The following INTS7 variants were observed in gnomAD, a reference collection of about 807,000 sequenced individuals.
The protein encoded by INTS7 is chromosome 1 open reading frame 73.
A neutral mutation model predicts 109.2 loss-of-function variants in INTS7; 46 were observed. That is an observed-to-expected ratio of 0.42 (90% confidence interval 0.33 to 0.54). The LOEUF is 0.54. INTS7 is among the 20% of genes least tolerant of loss of function. The pLI, the probability that INTS7 is intolerant of heterozygous loss-of-function variation, is 0.07. For synonymous variants in INTS7, 412 were observed against 402.9 expected (o/e 1.02, Z -0.27); for missense variants, 929 against 1,132.4 (o/e 0.82, Z 2.58).
intron 7 of INTS7, among the ~76,000 whole-genome samples, chr1:211,991,503 C>T (rs1665144208): frequency 6.6e-6 from 1 of 152,156 alleles, no homozygotes; most frequent in Non-Finnish European, 1.5e-5. Context: ...GAACAGTAGG[C>T]GGGAAACAGT....
intron 5 of INTS7, 125 bp downstream of exon 5, chr1:212,011,250 A>G: frequency 3.3e-6 from 2 of 606,794 alleles, no homozygotes; most frequent in Non-Finnish European, 5.8e-6. Context: ...TTGGGCAAAT[A>G]GAAGATACTT....
chr1:211,992,360 A>G (rs1444774228), intron 7 of INTS7, among the ~76,000 whole-genome samples: 1 of 152,164 alleles, frequency 6.6e-6, no homozygotes, highest in Non-Finnish European at 1.5e-5. Flanking sequence ...GAAGAATTTT[A>G]CCATTTAAAA....
In INTS7 at chr1:211,946,823, A is replaced by G. The variant is rs1662868963; in HGVS notation, c.2317-118T>C. 3 of 593,744 alleles carry G rather than the reference A, an allele frequency of 5.1e-6. No homozygotes were observed. The highest frequency in any genetic ancestry group is 3.0e-5 in the East Asian group (1 of 33,764). The allele number at this position is 593,744 out of a possible 1,614,324, so 36.8% of individuals were successfully genotyped here. On this transcript the variant is annotated intron_variant, in intron 17 of 19. Transcript: ENST00000366994. This position sits in a 1 kb window ranked among gnomAD's most constrained non-coding sequence, Gnocchi z 4.3. ...TAGATTATTACAAAGGTACATACCA[A>G]TCAAGAACTAGGCATCACATCCAGG...
At chr1:212,026,262 G>T (rs752790429) in intron 1 of INTS7, among the ~76,000 whole-genome samples, 1 of 152,122 alleles carries the variant, frequency 6.6e-6, no homozygotes, top group South Asian at 2.1e-4. Flanking sequence ...TTACTAATGG[G>T]TGATGTTCCG....
At chr1:212,024,266 T>C (rs1571917245) in intron 1 of INTS7, among the ~76,000 whole-genome samples, 2 of 152,190 alleles carry the variant, frequency 1.3e-5, no homozygotes, top group African/African-American at 4.8e-5. Context: ...GATAGTTTGA[T>C]AGTAATAGCA....
At chr1:212,020,533 T>G (rs1469485686) in intron 2 of INTS7, among the ~76,000 whole-genome samples, 1 of 152,090 alleles carries the variant, frequency 6.6e-6, no homozygotes, top group Non-Finnish European at 1.5e-5. Context: ...CTCCTCAAAC[T>G]ATATTATAAC....
At chr1:212,004,876 G>A (rs537082441) in intron 7 of INTS7, among the ~76,000 whole-genome samples, 62 of 152,196 alleles carry the variant, frequency 4.1e-4, no homozygotes, top group Non-Finnish European at 8.2e-4. Flanking sequence ...GGTAAAAAAC[G>A]TAAGTCTGAT....
chr1:211,966,531 G>A, intron 15 of INTS7, 33 bp from the exon 16 acceptor site: 2 of 1,389,276 alleles, frequency 1.4e-6, no homozygotes, highest in Admixed American at 1.9e-5. Flanking sequence ...TACGAAAATA[G>A]AGAAGAAACC....
chr1:212,025,234 ACACTT>A (rs1236044628), intron 1 of INTS7, among the ~76,000 whole-genome samples: 1 of 152,238 alleles, frequency 6.6e-6, no homozygotes, highest in Non-Finnish European at 1.5e-5. Context: ...CTGAAGGACT[ACACTT>A]AACTTACTGT....
At chr1:211,986,688 A>T (rs1287594017) in intron 8 of INTS7, among the ~76,000 whole-genome samples, 1 of 152,182 alleles carries the variant, frequency 6.6e-6, no homozygotes, top group Non-Finnish European at 1.5e-5. Flanking sequence ...TCATTGCTAC[A>T]TCACCATATC....
At chr1:212,033,546 GGT>G (rs970963822) in intron 1 of INTS7, among the ~76,000 whole-genome samples, 16 of 152,038 alleles carry the variant, frequency 1.1e-4, no homozygotes, top group African/African-American at 3.9e-4. Context: ...GAAAAATTGT[GGT>G]TTTTTTCTTA....
In INTS7 at chr1:211,959,908, C is replaced by T. The variant is rs1663539692; in HGVS notation, c.2183+6522G>A. Among the ~76,000 whole-genome samples the T allele has an allele frequency of 6.6e-6, 1 of 152,252 alleles. No homozygotes were observed. The highest frequency in any genetic ancestry group is 2.4e-5 in the African/African-American group (1 of 41,470). ...TCTGCTGCTGCTGTGAAGGCCCACA[C>T]AAAGGCCGGCATCCCAGACCTGCTA... On this transcript the variant is annotated intron_variant, in intron 16 of 19. Transcript: ENST00000366994. The surrounding 1 kb of genome is among the most constrained non-coding windows in gnomAD (Gnocchi z 4.2).
chr1:212,024,814 A>G (rs1666851620), intron 1 of INTS7, among the ~76,000 whole-genome samples: 1 of 152,124 alleles, frequency 6.6e-6, no homozygotes, highest in Non-Finnish European at 1.5e-5. Flanking sequence ...ATGGAGTGTA[A>G]TCTCCCTCCC....
chr1:212,021,341 T>G, intron 1 of INTS7, 129 bp from the exon 2 acceptor site: 1 of 687,280 alleles, frequency 1.5e-6, no homozygotes, highest in South Asian at 3.2e-5. Flanking sequence ...TAAAGTATAA[T>G]TCATTACCCT....
At chr1:212,019,988 T>C (rs546104200) in intron 3 of INTS7, 134 bp downstream of exon 3, 1 of 553,716 alleles carries the variant, frequency 1.8e-6, no homozygotes, top group African/African-American at 2.0e-5. Context: ...TATCACAGTT[T>C]TGCCTTGACT....
intron 4 of INTS7, 123 bp from the exon 5 acceptor site, chr1:212,011,544 T>G (rs1666167184): frequency 3.0e-6 from 2 of 666,066 alleles, no homozygotes; most frequent in Admixed American, 3.0e-5. Context: ...CAACTAATAT[T>G]CCAAGGTCAG....
At chr1:212,020,905 T>C (rs1553253966) in intron 2 of INTS7, among the ~76,000 whole-genome samples, 178 bp downstream of exon 2, 2 of 152,230 alleles carry the variant, frequency 1.3e-5, no homozygotes, top group Non-Finnish European at 2.9e-5. Flanking sequence ...AATTATACTC[T>C]TCATTTTGCT....
At chr1:212,022,656 T>A (rs1666757407) in intron 1 of INTS7, among the ~76,000 whole-genome samples, 1 of 152,136 alleles carries the variant, frequency 6.6e-6, no homozygotes, top group Non-Finnish European at 1.5e-5. Context: ...CTAATGAGGA[T>A]ATGGGATAAC....
intron 1 of INTS7, among the ~76,000 whole-genome samples, chr1:212,034,836 T>C (rs1230332978): frequency 1.3e-5 from 2 of 152,206 alleles, no homozygotes; most frequent in East Asian, 3.8e-4. Context: ...CTCCTGGAAC[T>C]TGTCCGCAGA....
Sources: allele counts gnomAD v4.1 joint callset (sites outside exome capture counted in the v4.1 genomes callset), GRCh38; gene constraint gnomAD v4.1.1; non-coding constraint Gnocchi (gnomAD v3.1); transcripts MANE v1.5; gene names NCBI Gene and HGNC (gene_info 2026-07-23, HGNC 2026-07-21).